The following UHRF1 variants were observed in gnomAD, a reference collection of about 807,000 sequenced individuals.
The protein encoded by UHRF1 is ubiquitin like with PHD and ring finger domains 1, also known as E3 ubiquitin-protein ligase UHRF1.
UHRF1 carries 9 observed loss-of-function variants against 96.5 expected under a neutral mutation model. The ratio of observed to expected loss-of-function variants is 0.09; its 90% confidence interval spans 0.06 to 0.16. The LOEUF (loss-of-function observed/expected upper bound fraction) is 0.16. Ranked by LOEUF, UHRF1 falls within the 10% of genes least tolerant of loss-of-function variation. The pLI is 1.00. For missense variants in UHRF1, 626 were observed against 1,131.1 expected (o/e 0.55, Z 6.40); for synonymous variants, 455 against 469.9 (o/e 0.97, Z 0.41).
At chr19:4,922,167 G>A (rs755042464) in intron 2 of UHRF1, among the ~76,000 whole-genome samples, 5 of 152,096 alleles carry the variant, frequency 3.3e-5, no homozygotes, top group Admixed American at 6.6e-5. Context: ...GGCTGGTCTC[G>A]AACTCCTGAT....
At chr19:4,957,569 A>G (rs1331581385) in intron 16 of UHRF1, among the ~76,000 whole-genome samples, 2 of 151,916 alleles carry the variant, frequency 1.3e-5, no homozygotes, top group African/African-American at 2.4e-5. Context: ...TGGCCTCCCA[A>G]AGTGCTGGGA....
At chr19:4,909,819 C>T (rs1407088543) in intron 1 of UHRF1, 164 bp downstream of exon 1, 27 of 424,258 alleles carry the variant, frequency 6.4e-5, no homozygotes, top group Admixed American at 1.3e-4. Context: ...AATCGTTCCC[C>T]GGCACACATC....
chr19:4,934,196 G>GTA lies in UHRF1; in HGVS notation c.785+1254_785+1255dup, dbSNP rs17886041. 7.8e-3 allele frequency among the ~76,000 whole-genome samples: 1,164 copies of GTA among 149,120 alleles called. 12 individuals carry two copies. Among genetic ancestry groups the GTA allele is most frequent in the African/African-American group, 0.025 (1,023 of 40,660 alleles). On this transcript the variant is annotated intron_variant, in intron 5 of 16. Transcript: ENST00000650932. ...CCGCCACCACGTCTGGCTAATTTTT[G>GTA]TATATATATATATATTTAGTAGAGT... is the stretch of plus-strand genomic sequence containing the variant.
At chr19:4,905,098 C>T (rs1051827809), upstream of UHRF1, among the ~76,000 whole-genome samples, 8 of 143,978 alleles carry the variant, frequency 5.6e-5, no homozygotes, top group Non-Finnish European at 9.0e-5. Flanking sequence ...AACACAAATT[C>T]GTAAACTTTC....
intron 16 of UHRF1, among the ~76,000 whole-genome samples, chr19:4,958,040 AC>A (rs2033903589): frequency 6.6e-6 from 1 of 151,784 alleles, no homozygotes; most frequent in Non-Finnish European, 1.5e-5. Context: ...CGGGTCTCAG[AC>A]CCCGTGTTTG....
intron 5 of UHRF1, among the ~76,000 whole-genome samples, chr19:4,936,335 C>T: frequency 6.6e-6 from 1 of 152,136 alleles, no homozygotes; most frequent in Non-Finnish European, 1.5e-5. Context: ...GATTGCAGTC[C>T]CTGTCTTAGG....
At chr19:4,913,400 CCCA>C (rs945038138) in intron 2 of UHRF1, among the ~76,000 whole-genome samples, 9 of 151,410 alleles carry the variant, frequency 5.9e-5, no homozygotes, top group Non-Finnish European at 8.8e-5. Context: ...ATTACAGTCA[CCCA>C]CCACCACGCC....
At chr19:4,933,278 C>T (rs528911473) in intron 5 of UHRF1, among the ~76,000 whole-genome samples, 12 of 152,162 alleles carry the variant, frequency 7.9e-5, no homozygotes, top group Admixed American at 5.2e-4. Context: ...TGCAGTGGTT[C>T]GATCTCGGTT....
Position 4,910,993 on chromosome 19 carries a change from C to A in UHRF1, c.108C>A (p.Phe36Leu), listed in dbSNP as rs900633387. Residue 36 changes from phenylalanine to leucine, a missense_variant, in exon 2 of 17, where the codon TTC becomes TTA. Phe to Leu is a conservative substitution (Grantham distance 22). Transcript: ENST00000650932. ...TGAGGCGGAAGATCCAGGAGCTGTT[C>A]CACGTGGAGCCAGGCCTGCAGAGGC... ...EELRRKIQEL[F>L]HVEPGLQRLF... 2 of 1,611,748 alleles carry A rather than the reference C, an allele frequency of 1.2e-6. No homozygotes were observed. The highest frequency in any genetic ancestry group is 1.7e-6 in the Non-Finnish European group (2 of 1,178,602).
In UHRF1 at chr19:4,929,332, C is replaced by A; in HGVS notation, c.264C>A (p.Ser88=). The part of the protein sequence containing the change: ...VLPHSTKERD[S]ELSDTDSGCC... Reference sequence around the variant, plus strand: ...CCCACAGCACCAAGGAGCGGGACTCCGAGCTCTCCGACACCGACTCCGGCT... The same window carrying A: ...CCCACAGCACCAAGGAGCGGGACTCAGAGCTCTCCGACACCGACTCCGGCT... The change falls in exon 3 of 17, where the codon TCC becomes TCA. Residue 88 remains serine, a synonymous_variant. Coordinates refer to ENST00000650932, the MANE Select transcript of UHRF1 (RefSeq NM_001048201.3). The A allele has an allele frequency of 6.2e-7, 1 of 1,613,654 alleles. No homozygotes were observed.
chr19:4,944,563 T>A, intron 9 of UHRF1, 113 bp downstream of exon 9: 2 of 1,172,688 alleles, frequency 1.7e-6, no homozygotes, highest in Non-Finnish European at 2.5e-6. Flanking sequence ...CAGTGGTGCC[T>A]CGGCTAGCCG....
intron 2 of UHRF1, among the ~76,000 whole-genome samples, chr19:4,919,196 T>A (rs555962671): frequency 1.3e-5 from 2 of 152,084 alleles, no homozygotes; most frequent in East Asian, 3.9e-4. Flanking sequence ...GGTTTTGCCA[T>A]GTTGCCCAGG....
intron 4 of UHRF1, among the ~76,000 whole-genome samples, chr19:4,931,427 C>T (rs1433993522): frequency 6.6e-6 from 1 of 151,672 alleles, no homozygotes; most frequent in Admixed American, 6.6e-5. Flanking sequence ...CAGGTGCCCG[C>T]CACCACACCC....
At chr19:4,940,914 C>T (rs544995751) in intron 5 of UHRF1, among the ~76,000 whole-genome samples, 1 of 151,562 alleles carries the variant, frequency 6.6e-6, no homozygotes, top group East Asian at 2.0e-4. Context: ...CTCAGATGAT[C>T]GGCCTGCCTC....
At chr19:4,949,074 G>T (rs113178395) in intron 11 of UHRF1, among the ~76,000 whole-genome samples, 2,526 of 150,456 alleles carry the variant, frequency 0.017, 77 homozygotes, top group African/African-American at 0.058. Context: ...GGCGGAGCTT[G>T]CAGTGAGCCA....
upstream of UHRF1, among the ~76,000 whole-genome samples, chr19:4,908,184 A>G (rs115573875): frequency 0.022 from 3,342 of 152,258 alleles, 122 homozygotes; most frequent in African/African-American, 0.076. Context: ...GCAAAGTTGC[A>G]AAGTCCTTTT....
intron 10 of UHRF1, 26 bp downstream of exon 10, chr19:4,945,991 G>A: frequency 8.0e-7 from 1 of 1,249,276 alleles, no homozygotes; most frequent in Non-Finnish European, 1.1e-6. Flanking sequence ...GGAGGGGTGG[G>A]GGAGGGTTGC....
At chr19:4,917,583 G>A (rs953227429) in intron 2 of UHRF1, among the ~76,000 whole-genome samples, 1 of 150,390 alleles carries the variant, frequency 6.6e-6, no homozygotes, top group Non-Finnish European at 1.5e-5. Flanking sequence ...GAACCCAGGA[G>A]GTGGAGGTTG....
chr19:4,938,265 C>T (rs2033275454), intron 5 of UHRF1, among the ~76,000 whole-genome samples: 1 of 151,956 alleles, frequency 6.6e-6, no homozygotes, highest in Non-Finnish European at 1.5e-5. Context: ...ACTGTCTGGA[C>T]TATCTGTTTC....
Sources: gnomAD v4.1 joint callset for allele counts (sites outside exome capture counted in the v4.1 genomes callset) on GRCh38, gnomAD v4.1.1 for gene constraint, MANE v1.5 for transcripts, NCBI Gene and HGNC (gene_info 2026-07-23, HGNC 2026-07-21) for gene names.